The following SORCS2 variants were observed in gnomAD, a reference collection of about 807,000 sequenced individuals.
SORCS2 encodes sortilin related VPS10 domain containing receptor 2.
Under a neutral mutation model 141.6 loss-of-function variants are expected in SORCS2, and 100 were observed. The observed-to-expected ratio is 0.71, with a 90% confidence interval of 0.60 to 0.83. SORCS2 has a LOEUF of 0.83. Ranked by LOEUF, SORCS2 falls within the 40% of genes least tolerant of loss-of-function variation. SORCS2 has a pLI of 0.00. For synonymous variants in SORCS2, 789 were observed against 676.9 expected (o/e 1.17, Z -2.57); for missense variants, 1,646 against 1,560.2 (o/e 1.05, Z -0.93).
intron 26 of SORCS2, among the ~76,000 whole-genome samples, chr4:7,739,804 T>C (rs930679048): frequency 1.1e-4 from 16 of 152,154 alleles, no homozygotes; most frequent in Middle Eastern, 6.8e-3. Flanking sequence ...CCCCCCTCTC[T>C]CCCACTCTCG....
intron 2 of SORCS2, among the ~76,000 whole-genome samples, chr4:7,472,769 A>G (rs559409324): frequency 1.8e-4 from 28 of 152,268 alleles, no homozygotes; most frequent in Non-Finnish European, 3.8e-4. Context: ...GGGCCTCATT[A>G]TGTTTGTAAT....
In SORCS2 at chr4:7,560,100, C is replaced by T. The variant is rs114983500; in HGVS notation, c.648+28471C>T. On this transcript the variant is annotated intron_variant, in intron 3 of 26. Transcript: ENST00000507866. ...CAGTCTGAACAAATGCTCACATCCT[C>T]GCAGGTTAGGAGCACAGGAAAAATG... 6.4e-3 allele frequency among the ~76,000 whole-genome samples: 974 copies of T among 152,298 alleles called. 11 individuals are homozygous for T. The highest frequency in any genetic ancestry group is 0.021 in the African/African-American group (893 of 41,562).
At chr4:7,636,906 A>G (rs998908363) in intron 3 of SORCS2, among the ~76,000 whole-genome samples, 2 of 152,008 alleles carry the variant, frequency 1.3e-5, no homozygotes, top group African/African-American at 2.4e-5. Context: ...GGTTCCTTCT[A>G]GGGGCTCAGA....
intron 1 of SORCS2, among the ~76,000 whole-genome samples, chr4:7,275,011 A>G (rs761417854): frequency 1.3e-5 from 2 of 152,162 alleles, no homozygotes; most frequent in Non-Finnish European, 2.9e-5. Flanking sequence ...CTGGGCTGTC[A>G]CCACCTAAGC....
chr4:7,473,075 G>A (rs952434068), intron 2 of SORCS2, among the ~76,000 whole-genome samples: 3 of 150,520 alleles, frequency 2.0e-5, no homozygotes, highest in Non-Finnish European at 4.4e-5. Flanking sequence ...GACCTTCCTT[G>A]TGGCCATTGA....
chr4:7,369,358 T>G (rs1236066396), intron 1 of SORCS2, among the ~76,000 whole-genome samples: 1 of 152,160 alleles, frequency 6.6e-6, no homozygotes, highest in African/African-American at 2.4e-5. Context: ...TTTTATAGAT[T>G]GCTCAGTCTC....
Position 7,728,445 on chromosome 4 carries a change from AC to A in SORCS2, c.2968del (p.Arg990GlyfsTer15). Reference sequence around the variant, plus strand: ...GAGGGAAGACGTGGGCCTGGTGGTCACCCGGCTGCTCTCCAAGGTGTCCACC... The same window carrying A: ...GAGGGAAGACGTGGGCCTGGTGGTCACCGGCTGCTCTCCAAGGTGTCCACC... ...EWREDVGLVV[T>X]RLLSKETSVP... On this transcript the variant is annotated frameshift_variant, in exon 22 of 27. Transcript: ENST00000507866. LOFTEE classifies it high-confidence loss of function. The A allele has an allele frequency of 6.2e-7, 1 of 1,612,582 alleles. No homozygotes were observed. Among genetic ancestry groups the A allele is most frequent in the Non-Finnish European group, 8.5e-7 (1 of 1,179,430 alleles).
intron 2 of SORCS2, among the ~76,000 whole-genome samples, chr4:7,443,702 C>G (rs1011286407): frequency 2.6e-5 from 4 of 152,252 alleles, no homozygotes; most frequent in Non-Finnish European, 4.4e-5. Context: ...GGCCACACCT[C>G]CAGAGTCAGA....
In SORCS2 at chr4:7,472,425, G is replaced by A. The variant is rs189750152; in HGVS notation, c.549-59105G>A. Among the ~76,000 whole-genome samples, 217 of 152,306 alleles carry A rather than the reference G, an allele frequency of 1.4e-3. 3 individuals are homozygous for A. Among genetic ancestry groups the A allele is most frequent in the Admixed American group, 5.2e-4 (8 of 15,302 alleles). The stretch of plus-strand genomic sequence containing the variant: ...CGCCTCAGGGGGATGAGGGGATGGC[G>A]TGGAGTGTCCACAGAGCCTGCAGCT... On this transcript the variant is annotated intron_variant, in intron 2 of 26. Transcript: ENST00000507866.
chr4:7,415,298 G>T (rs181378151), intron 2 of SORCS2, among the ~76,000 whole-genome samples: 1 of 152,170 alleles, frequency 6.6e-6, no homozygotes, highest in Non-Finnish European at 1.5e-5. Context: ...GATGTGGACC[G>T]GGTCGTTTCT....
At chr4:7,675,408 G>C (rs1365399401) in intron 8 of SORCS2, among the ~76,000 whole-genome samples, 1 of 152,196 alleles carries the variant, frequency 6.6e-6, no homozygotes, top group East Asian at 1.9e-4. Context: ...GGCACAGGGG[G>C]ACTGGAAAGA....
intron 2 of SORCS2, among the ~76,000 whole-genome samples, chr4:7,517,443 T>G (rs1733060276): frequency 6.6e-6 from 1 of 152,198 alleles, no homozygotes; most frequent in Non-Finnish European, 1.5e-5. Flanking sequence ...CTCATCTACT[T>G]GTGTCTTGGG....
chr4:7,575,828 G>A (rs1008701365), intron 3 of SORCS2, among the ~76,000 whole-genome samples: 1 of 152,228 alleles, frequency 6.6e-6, no homozygotes, highest in Non-Finnish European at 1.5e-5. Flanking sequence ...CCAGGAGAAG[G>A]TCTGTGTCTG....
intron 1 of SORCS2, among the ~76,000 whole-genome samples, chr4:7,253,306 C>T (rs1713628951): frequency 6.6e-6 from 1 of 152,216 alleles, no homozygotes; most frequent in South Asian, 2.1e-4. Flanking sequence ...GCTCTGGGGT[C>T]CAGGGCCCCA....
At chr4:7,553,323 C>A (rs974738614) in intron 3 of SORCS2, among the ~76,000 whole-genome samples, 5 of 151,940 alleles carry the variant, frequency 3.3e-5, no homozygotes, top group African/African-American at 1.2e-4. Flanking sequence ...GGAAAAAAAA[C>A]CATGTAATTT....
chr4:7,711,599 G>A (rs139965409), intron 14 of SORCS2, among the ~76,000 whole-genome samples: 468 of 152,318 alleles, frequency 3.1e-3, no homozygotes, highest in Middle Eastern at 0.017. Context: ...GGGATGGAGT[G>A]GAAGGCACTC....
At chr4:7,497,859 C>T (rs1158215838) in intron 2 of SORCS2, among the ~76,000 whole-genome samples, 1 of 152,260 alleles carries the variant, frequency 6.6e-6, no homozygotes, top group Admixed American at 6.5e-5. Context: ...GGCAGAGGAC[C>T]AGCAGGAGCT....
chr4:7,262,959 C>G (rs990050606), intron 1 of SORCS2, among the ~76,000 whole-genome samples: 1 of 152,202 alleles, frequency 6.6e-6, no homozygotes, highest in Non-Finnish European at 1.5e-5. Context: ...TCTGGGAGTC[C>G]TACGACTGAG....
chr4:7,361,370 AT>A (rs1217243657), intron 1 of SORCS2, among the ~76,000 whole-genome samples: 1 of 152,152 alleles, frequency 6.6e-6, no homozygotes, highest in Non-Finnish European at 1.5e-5. Context: ...GCGAGATCTG[AT>A]TTGGTGACAG....
Sources: gnomAD v4.1 joint callset for allele counts (sites outside exome capture counted in the v4.1 genomes callset) on GRCh38, gnomAD v4.1.1 for gene constraint, MANE v1.5 for transcripts, NCBI Gene and HGNC (gene_info 2026-07-23, HGNC 2026-07-21) for gene names.